Variants in WDR27 observed in about 807,000 individuals in gnomAD.
The protein encoded by WDR27 is WD repeat domain 27.
WDR27 carries 100 observed loss-of-function variants against 114.4 expected under a neutral mutation model. That is an observed-to-expected ratio of 0.87 (90% CI 0.74 to 1.03). The LOEUF is 1.03. Ranked by LOEUF, WDR27 falls within the 50% of genes least tolerant of loss-of-function variation. The pLI, the probability that WDR27 is intolerant of heterozygous loss-of-function variation, is 0.00. For synonymous variants in WDR27, 449 were observed against 423.1 expected (o/e 1.06, Z -0.75); for missense variants, 1,129 against 1,092.9 (o/e 1.03, Z -0.47).
intron 25 of WDR27, among the ~76,000 whole-genome samples, chr6:169,552,131 A>T (rs926843521): frequency 8.5e-5 from 13 of 152,056 alleles, no homozygotes; most frequent in African/African-American, 3.1e-4. Context: ...TGCTGACCCA[A>T]GCATCCAGGC....
chr6:169,459,971 AAGGTGAAAT>A (rs1357456713), intron 25 of WDR27, among the ~76,000 whole-genome samples: 1 of 152,180 alleles, frequency 6.6e-6, no homozygotes, highest in African/African-American at 2.4e-5. Context: ...GGAGCCCCAC[AAGGTGAAAT>A]AAAAGGACCC....
the WDR27 span, among the ~76,000 whole-genome samples, chr6:169,437,163 G>A: frequency 6.6e-6 from 1 of 152,130 alleles, no homozygotes; most frequent in African/African-American, 2.4e-5. Context: ...AACAAAAACT[G>A]GCAGGTCTAA....
chr6:169,527,904 A>C (rs961142185), intron 25 of WDR27, among the ~76,000 whole-genome samples: 2 of 152,198 alleles, frequency 1.3e-5, no homozygotes, highest in Admixed American at 6.5e-5. Context: ...ACTGGCTTTG[A>C]AATGAAAAAC....
Position 169,638,648 on chromosome 6 carries a change from G to A in WDR27, c.1760C>T (p.Ala587Val). 1 of 1,603,458 alleles carries A rather than the reference G, an allele frequency of 6.2e-7. No individual in the cohort carries two copies. The highest frequency in any genetic ancestry group is 1.7e-5 in the Admixed American group (1 of 58,556). ...CTGGCTCCAGCACACGGCATTCACT[G>A]CCCCGTCGTGACCTAACAGGAATGA... Reference protein sequence around the residue: ...TPAVFSGHDGAVNAVCWSQDR... With the variant: ...TPAVFSGHDGVVNAVCWSQDR... Residue 587 changes from alanine to valine, a missense_variant, in exon 18 of 26, where the codon GCA (alanine) becomes GTA (valine). Coordinates refer to ENST00000448612, the MANE Select transcript of WDR27 (RefSeq NM_182552.5).
chr6:169,554,539 A>G (rs749253023), intron 25 of WDR27, among the ~76,000 whole-genome samples: 6 of 152,210 alleles, frequency 3.9e-5, no homozygotes, highest in Non-Finnish European at 5.9e-5. Flanking sequence ...AAATCAAAAT[A>G]TTGAAGTAGG....
chr6:169,499,254 G>A (rs908335406), intron 25 of WDR27, among the ~76,000 whole-genome samples: 3 of 152,224 alleles, frequency 2.0e-5, no homozygotes, highest in Admixed American at 6.5e-5. Context: ...CGTCAGCACC[G>A]AGGGTGCACA....
intron 25 of WDR27, among the ~76,000 whole-genome samples, chr6:169,466,102 G>C (rs1360979339): frequency 2.0e-5 from 3 of 152,196 alleles, no homozygotes; most frequent in African/African-American, 7.2e-5. Context: ...TGGGGTTTCA[G>C]GTCGAGAGGA....
At chr6:169,642,218 C>T (rs1262905491) in intron 17 of WDR27, among the ~76,000 whole-genome samples, 2 of 152,128 alleles carry the variant, frequency 1.3e-5, no homozygotes, top group Non-Finnish European at 1.5e-5. Flanking sequence ...ATATTTTCAA[C>T]GTTGAGCGAT....
chr6:169,470,254 G>A (rs1233840760), intron 25 of WDR27, among the ~76,000 whole-genome samples: 3 of 152,088 alleles, frequency 2.0e-5, no homozygotes, highest in Admixed American at 6.6e-5. Context: ...TTCCCTCTCA[G>A]AAGATAGAAG....
downstream of WDR27, among the ~76,000 whole-genome samples, chr6:169,455,106 C>G (rs1210274424): frequency 1.3e-5 from 2 of 152,240 alleles, no homozygotes; most frequent in African/African-American, 4.8e-5. Flanking sequence ...CTGCTCTGTC[C>G]TGCGTGAGGT....
At chr6:169,569,661 A>C (rs191316492) in intron 25 of WDR27, among the ~76,000 whole-genome samples, 19 of 152,300 alleles carry the variant, frequency 1.2e-4, no homozygotes, top group Non-Finnish European at 4.4e-5. Context: ...GTCCAAGGTC[A>C]ATACAGATGT....
At chr6:169,582,667 T>C (rs907324194) in intron 24 of WDR27, among the ~76,000 whole-genome samples, 169 bp downstream of exon 24, 1 of 152,152 alleles carries the variant, frequency 6.6e-6, no homozygotes, top group Non-Finnish European at 1.5e-5. Flanking sequence ...TATTTCTCTC[T>C]CTCTCGCCAA....
rs760333998 is a variant in WDR27, at chr6:169,660,643, G to A, written c.1129+20C>T. ...AAGGAAAACATTACAGTTACATGGC[G>A]TTGAAATCAAAGATCTTACCCTTGT... On this transcript the variant is annotated intron_variant, in intron 10 of 25. Transcript: ENST00000448612. 26 of 1,591,430 alleles carry A rather than the reference G, an allele frequency of 1.6e-5. No homozygotes were observed. Among genetic ancestry groups the A allele is most frequent in the Middle Eastern group, 1.7e-4 (1 of 6,042 alleles).
intron 25 of WDR27, among the ~76,000 whole-genome samples, chr6:169,462,054 C>T (rs963325572): frequency 4.0e-5 from 6 of 151,764 alleles, no homozygotes; most frequent in African/African-American, 1.5e-4. Context: ...GTACACATTC[C>T]CAGAATCACA....
intron 9 of WDR27, 94 bp downstream of exon 9, chr6:169,662,210 T>C (rs1826339071): frequency 6.8e-7 from 1 of 1,459,914 alleles, no homozygotes; most frequent in East Asian, 2.3e-5. Flanking sequence ...AATTTGGTTT[T>C]ATCTCAGTCA....
At chr6:169,484,482 T>C (rs1788625592) in intron 25 of WDR27, among the ~76,000 whole-genome samples, 1 of 152,098 alleles carries the variant, frequency 6.6e-6, no homozygotes, top group Non-Finnish European at 1.5e-5. Flanking sequence ...GAAAGACATC[T>C]ACAATGAGAA....
chr6:169,484,156 T>C (rs1788565990), intron 25 of WDR27, among the ~76,000 whole-genome samples: 1 of 152,064 alleles, frequency 6.6e-6, no homozygotes, highest in Admixed American at 6.6e-5. Flanking sequence ...TTCAACATAG[T>C]ATTGGAAGTC....
chr6:169,690,766 A>G (rs954446829), intron 1 of WDR27, among the ~76,000 whole-genome samples: 15 of 152,180 alleles, frequency 9.9e-5, no homozygotes, highest in African/African-American at 3.6e-4. Context: ...CTTGACTGAG[A>G]AGTCTGACAT....
chr6:169,677,020 A>C (rs980677744), intron 2 of WDR27, among the ~76,000 whole-genome samples: 2 of 152,228 alleles, frequency 1.3e-5, no homozygotes, highest in African/African-American at 4.8e-5. Flanking sequence ...AATTCATGAA[A>C]GGCCTAATAC....
Sources: allele counts gnomAD v4.1 joint callset (sites outside exome capture counted in the v4.1 genomes callset), GRCh38; gene constraint gnomAD v4.1.1; transcripts MANE v1.5; gene names NCBI Gene and HGNC (gene_info 2026-07-23, HGNC 2026-07-21).